The following PIAS2 variants were observed in gnomAD, a reference collection of about 807,000 sequenced individuals.
The protein encoded by PIAS2 is protein inhibitor of activated STAT 2, also known as E3 SUMO-protein ligase PIAS2.
PIAS2 carries 19 observed loss-of-function variants against 69.7 expected under a neutral mutation model. That is an observed-to-expected ratio of 0.27 (90% CI 0.19 to 0.40). The LOEUF (loss-of-function observed/expected upper bound fraction) is 0.40, where lower values mean the gene tolerates loss of function less well. Ranked by LOEUF, PIAS2 falls within the 10% of genes least tolerant of loss-of-function variation. The pLI, the probability that PIAS2 is intolerant of heterozygous loss-of-function variation, is 1.00. For missense variants in PIAS2, 624 were observed against 757.0 expected, an observed-to-expected ratio of 0.82 and a Z score of 2.06; for synonymous variants, 261 against 263.2, an observed-to-expected ratio of 0.99 and a Z score of 0.08.
At chr18:46,855,992 C>CTTTTTTTTTTT (rs1256937354) in intron 3 of PIAS2, among the ~76,000 whole-genome samples, 3 of 69,148 alleles carry the variant, frequency 4.3e-5, no homozygotes, top group Admixed American at 1.6e-4. Context: ...TTTTCTTTTT[C>CTTTTTTTTTTT]TTTTGTTTTT....
In PIAS2 at chr18:46,803,732, G is replaced by C. The variant is rs897400110; in HGVS notation, c.*8701C>G. The C allele has an allele frequency of 2.6e-5, 4 of 152,174 alleles. No homozygotes were observed. Among genetic ancestry groups the C allele is most frequent in the African/African-American group, 9.7e-5 (4 of 41,424 alleles). 9.4% of individuals were successfully genotyped at this position (152,174 alleles called of 1,614,324 possible). A position where few individuals can be genotyped will look rare whatever the true frequency, so the allele number is the denominator to read the frequency against. The stretch of plus-strand genomic sequence containing the variant: ...TTGTAGCACTCTGTGTAGTGTACCT[G>C]ACCCAGATAAGGTGGTCCTCAGTAC... On this transcript the variant is annotated 3_prime_UTR_variant, in exon 14 of 14. Coordinates refer to ENST00000585916, the MANE Select transcript of PIAS2 (RefSeq NM_004671.5).
chr18:46,870,654 G>C (rs2050220488), intron 2 of PIAS2, among the ~76,000 whole-genome samples: 1 of 139,886 alleles, frequency 7.1e-6, no homozygotes, highest in South Asian at 2.3e-4. Context: ...AGGAACTCGA[G>C]TCATTATTAG....
chr18:46,895,756 G>A (rs1170539540), intron 1 of PIAS2, among the ~76,000 whole-genome samples: 1 of 152,100 alleles, frequency 6.6e-6, no homozygotes, highest in Non-Finnish European at 1.5e-5. Context: ...TCAAAAAAGA[G>A]TGACCAAGCT....
At chr18:46,852,283 G>A (rs562704159) in intron 5 of PIAS2, among the ~76,000 whole-genome samples, 1 of 152,248 alleles carries the variant, frequency 6.6e-6, no homozygotes, top group South Asian at 2.1e-4. Context: ...AGGACTTTAC[G>A]GAGCTAGGGT....
chr18:46,844,264 G>A (rs554242050), intron 7 of PIAS2, 137 bp from the exon 8 acceptor site: 3 of 405,420 alleles, frequency 7.4e-6, no homozygotes, highest in African/African-American at 2.1e-5. Flanking sequence ...CCCAATATAA[G>A]TTAAAGAATT....
At chr18:46,817,026 A>G (rs138303939) in intron 12 of PIAS2, 2 of 936,292 alleles carry the variant, frequency 2.1e-6, no homozygotes, top group East Asian at 2.3e-4. Flanking sequence ...CAATATTTCT[A>G]TTATTAAGTA....
At chr18:46,877,386 C>T (rs2051388459) in intron 2 of PIAS2, among the ~76,000 whole-genome samples, 1 of 152,178 alleles carries the variant, frequency 6.6e-6, no homozygotes, top group South Asian at 2.1e-4. Flanking sequence ...GTCTCTTCTT[C>T]TAAGCTACCT....
intron 2 of PIAS2, among the ~76,000 whole-genome samples, chr18:46,883,524 G>A (rs779568999): frequency 5.3e-5 from 8 of 151,762 alleles, no homozygotes; most frequent in Non-Finnish European, 1.2e-4. Context: ...ACAACATAGA[G>A]AGACCTCCTC....
In PIAS2 at chr18:46,809,923, A is replaced by T. The variant is rs1377288788; in HGVS notation, c.*2510T>A. 2.0e-5 allele frequency: 3 copies of T among 152,166 alleles called. No homozygotes were observed. The highest frequency in any genetic ancestry group is 7.2e-5 in the African/African-American group (3 of 41,436). 9.4% of individuals were successfully genotyped at this position (152,166 alleles called of 1,614,324 possible). On this transcript the variant is annotated 3_prime_UTR_variant, in exon 14 of 14. Coordinates refer to ENST00000585916, the MANE Select transcript of PIAS2 (RefSeq NM_004671.5). ...AGCAGAAATCTGGGCTAGCAAAATA[A>T]ACTACTAGAAAGTCAGGGTCTGGAT...
chr18:46,912,792 G>A (rs2057405283), intron 1 of PIAS2, among the ~76,000 whole-genome samples: 1 of 152,056 alleles, frequency 6.6e-6, no homozygotes, highest in South Asian at 2.1e-4. Context: ...AAGCATAATG[G>A]GAGTGGGATT....
At chr18:46,896,274 A>G (rs1388482735) in intron 1 of PIAS2, among the ~76,000 whole-genome samples, 1 of 151,778 alleles carries the variant, frequency 6.6e-6, no homozygotes, top group Non-Finnish European at 1.5e-5. Flanking sequence ...AAAAAAAACT[A>G]AACAAATTTC....
intron 3 of PIAS2, among the ~76,000 whole-genome samples, chr18:46,859,130 TAA>T (rs1190442573): frequency 6.6e-6 from 1 of 151,954 alleles, no homozygotes; most frequent in Admixed American, 6.6e-5. Context: ...CAGAATGACA[TAA>T]AAGAATCAAT....
intron 1 of PIAS2, chr18:46,915,254 T>A (rs980963101): frequency 6.6e-6 from 1 of 152,108 alleles, no homozygotes; most frequent in Non-Finnish European, 1.5e-5. Flanking sequence ...ATAGAAAAAA[T>A]GCTTAGACCA....
At position 46,810,815 on chromosome 18, in the gene PIAS2, A is replaced by T. The variant is rs1300494093; in HGVS notation, c.*1618T>A. 6.6e-6 allele frequency: 1 copy of T among 151,766 alleles called. No individual in the cohort carries two copies. 9.4% of individuals were successfully genotyped at this position (151,766 alleles called of 1,614,324 possible). ...ACCAACTCTTAAGTAGGATGTCCCT[A>T]TTCTAACGGAAATTGATGAGTCCAC... On this transcript the variant is annotated 3_prime_UTR_variant, in exon 14 of 14. Coordinates refer to ENST00000585916, the MANE Select transcript of PIAS2 (RefSeq NM_004671.5).
At chr18:46,917,270 AC>A (rs1331920617) in intron 1 of PIAS2, 51 bp downstream of exon 1, 11 of 1,207,840 alleles carry the variant, frequency 9.1e-6, no homozygotes, top group Admixed American at 2.7e-5. Flanking sequence ...CGGTTTCCCC[AC>A]CTCCTCTCCC....
chr18:46,875,375 C>G (rs1323412327), intron 2 of PIAS2, among the ~76,000 whole-genome samples: 1 of 152,168 alleles, frequency 6.6e-6, no homozygotes, highest in Non-Finnish European at 1.5e-5. Flanking sequence ...CGTGGTCCCA[C>G]CCCATCAAAT....
At chr18:46,821,335 T>C (rs1232090612) in intron 11 of PIAS2, among the ~76,000 whole-genome samples, 2 of 152,192 alleles carry the variant, frequency 1.3e-5, no homozygotes, top group Non-Finnish European at 2.9e-5. Flanking sequence ...TGGAGTGAGA[T>C]ATAACACTTC....
At chr18:46,820,325 A>C (rs1477209238) in intron 12 of PIAS2, among the ~76,000 whole-genome samples, 10 of 152,168 alleles carry the variant, frequency 6.6e-5, no homozygotes, top group Non-Finnish European at 1.5e-4. Flanking sequence ...TTAAAAATTC[A>C]ACTTTATCAT....
At chr18:46,893,411 A>T (rs1403681977) in intron 1 of PIAS2, 12 of 936,850 alleles carry the variant, frequency 1.3e-5, no homozygotes, top group Non-Finnish European at 1.4e-5. Context: ...ATGACAAAAC[A>T]AAGCACAAAG....
Sources: gnomAD v4.1 joint callset for allele counts (sites outside exome capture counted in the v4.1 genomes callset) on GRCh38, gnomAD v4.1.1 for gene constraint, MANE v1.5 for transcripts, NCBI Gene and HGNC (gene_info 2026-07-23, HGNC 2026-07-21) for gene names.